Variants in RNF111 observed in about 807,000 individuals in gnomAD.
RNF111 encodes the protein ring finger protein 111.
In RNF111, 17 loss-of-function variants were observed where a neutral mutation model predicts 95.1. The observed-to-expected ratio is 0.18, with a 90% confidence interval of 0.12 to 0.27. RNF111 has a LOEUF of 0.27. Ranked by LOEUF, RNF111 falls within the 10% of genes least tolerant of loss-of-function variation. The pLI is 1.00. For missense variants in RNF111, 1,189 were observed against 1,210.4 expected, an observed-to-expected ratio of 0.98 and a Z score of 0.26; for synonymous variants, 440 against 414.8, an observed-to-expected ratio of 1.06 and a Z score of -0.74.
At chr15:59,009,055 G>A (rs752529147) in intron 1 of RNF111, among the ~76,000 whole-genome samples, 1 of 152,090 alleles carries the variant, frequency 6.6e-6, no homozygotes, top group Non-Finnish European at 1.5e-5. Flanking sequence ...CACCTCCTGG[G>A]TTCAAGCGAT....
chr15:59,082,032 C>G (rs1254342285), intron 8 of RNF111, among the ~76,000 whole-genome samples: 2 of 152,168 alleles, frequency 1.3e-5, no homozygotes, highest in African/African-American at 4.8e-5. Flanking sequence ...CTCCCATGAT[C>G]ATGCCACTGC....
At position 59,030,995 on chromosome 15, in the gene RNF111, G is replaced by C. The variant is rs1156691697; in HGVS notation, c.173G>C (p.Ser58Thr). 2.5e-6 allele frequency: 4 copies of C among 1,614,186 alleles called. No individual in the cohort carries two copies. Among genetic ancestry groups the C allele is most frequent in the Non-Finnish European group, 3.4e-6 (4 of 1,180,024 alleles). ...CCTGCAGGAGTTGAGATGATTAATA[G>C]TAAAGTGGGGAATGAATTCTCTCAC... ...SFPAGVEMINSKVGNEFSHLC... is the reference protein window; with the variant it reads ...SFPAGVEMINTKVGNEFSHLC... The change falls in exon 2 of 14, where the codon AGT (serine) becomes ACT (threonine). Residue 58 changes from serine (S) to threonine (T), a missense_variant. Transcript: ENST00000348370.
intron 3 of RNF111, 151 bp from the exon 4 acceptor site, chr15:59,055,531 C>G (rs1006694060): frequency 3.1e-6 from 1 of 324,670 alleles, no homozygotes; most frequent in East Asian, 5.9e-5. Flanking sequence ...ATTAGTTTAC[C>G]GAGTGCCAGT....
At chr15:59,074,597 C>A (rs1277698460) in intron 6 of RNF111, among the ~76,000 whole-genome samples, 2 of 152,218 alleles carry the variant, frequency 1.3e-5, no homozygotes, top group South Asian at 2.1e-4. Context: ...TAGGGCCTTG[C>A]TCTGGCTTAG....
chr15:59,052,209 A>G (rs2042018202), intron 2 of RNF111, 96 bp from the exon 3 acceptor site: 8 of 1,102,888 alleles, frequency 7.3e-6, no homozygotes, highest in East Asian at 2.7e-5. Flanking sequence ...TATTTTTGCA[A>G]TGAATTTCAT....
intron 3 of RNF111, among the ~76,000 whole-genome samples, 162 bp from the exon 4 acceptor site, chr15:59,055,520 A>ACTTAGTTGGTG (rs1420389322): frequency 6.1e-5 from 4 of 65,078 alleles, no homozygotes; most frequent in Admixed American, 1.7e-4. Flanking sequence ...TTCTTAGGTC[A>ACTTAGTTGGTG]ATTAGTTTAC....
At chr15:59,082,976 A>G (rs541847265) in intron 8 of RNF111, among the ~76,000 whole-genome samples, 222 of 152,294 alleles carry the variant, frequency 1.5e-3, no homozygotes, top group Non-Finnish European at 1.9e-3. Context: ...CTAATATAAA[A>G]TAATTAGACT....
chr15:59,080,563 A>G (rs1231934864), intron 7 of RNF111, among the ~76,000 whole-genome samples: 2 of 152,202 alleles, frequency 1.3e-5, no homozygotes, highest in Non-Finnish European at 2.9e-5. Flanking sequence ...TGATCTCTAT[A>G]TATGTGTGTA....
Position 59,056,964 on chromosome 15 carries a change from C to A in RNF111, c.1171+1119C>A, listed in dbSNP as rs572502807. Among the ~76,000 whole-genome samples, 15 of 152,178 alleles carry A rather than the reference C, an allele frequency of 9.9e-5. No homozygotes were observed. The South Asian group carries it at 2.7e-3, about 27-fold the overall frequency. On this transcript the variant is annotated intron_variant, in intron 4 of 13. Coordinates refer to ENST00000348370, the MANE Select transcript of RNF111 (RefSeq NM_017610.8). ...ACACTTTACTGGGTTAAAAGTATTC[C>A]AGTGATTAGTAGATGCTCCCTTTCC...
At chr15:59,089,833 C>T (rs1472037288) in intron 11 of RNF111, 74 bp downstream of exon 11, 10 of 1,022,262 alleles carry the variant, frequency 9.8e-6, no homozygotes, top group Middle Eastern at 2.2e-4. Flanking sequence ...TACTACTATA[C>T]ACAATTGTGT....
At position 59,075,900 on chromosome 15, in the gene RNF111, A is replaced by T. The variant is rs2043145348; in HGVS notation, c.1687-54A>T. 59 of 1,568,568 alleles carry T rather than the reference A, an allele frequency of 3.8e-5. 1 individual carries two copies. Among genetic ancestry groups the T allele is most frequent in the Non-Finnish European group, 5.1e-5 (59 of 1,148,298 alleles). The stretch of plus-strand genomic sequence containing the variant: ...ATTAGGAATACTTTTATAATATAAC[A>T]TGAAATATTTGACCAAACTTTAGAA... On this transcript the variant is annotated intron_variant, in intron 6 of 13. Transcript: ENST00000348370.
At chr15:59,041,313 T>A (rs1286548312) in intron 2 of RNF111, among the ~76,000 whole-genome samples, 1 of 152,184 alleles carries the variant, frequency 6.6e-6, no homozygotes. Context: ...CCCAGCACTT[T>A]GGGAGGCCGA....
At chr15:59,027,484 A>G (rs1270485490) in intron 1 of RNF111, among the ~76,000 whole-genome samples, 3 of 152,120 alleles carry the variant, frequency 2.0e-5, no homozygotes, top group African/African-American at 7.2e-5. Context: ...AATCAGTTGT[A>G]GAACATTTTC....
intron 7 of RNF111, among the ~76,000 whole-genome samples, chr15:59,077,209 T>G (rs2078590287): frequency 6.6e-6 from 1 of 152,262 alleles, no homozygotes; most frequent in African/African-American, 2.4e-5. Flanking sequence ...GGTATTCATT[T>G]TTGATTGATC....
chr15:59,080,999 C>T lies in RNF111; in HGVS notation c.2012C>T (p.Pro671Leu). ...ASACPHSHGN[P>L]PPQTQPPPQV... is the part of the protein sequence containing the mutation. ...GCCTGCCCGCATTCTCATGGAAACC[C>T]CCCTCCTCAGACTCAGCCTCCGCCT... Residue 671 changes from proline (P) to leucine (L), a missense_variant, in exon 8 of 14, where the codon CCC (proline) becomes CTC (leucine). This residue lies in a region of RNF111 where 1,024 missense variants were observed against 925.9 expected (regional missense o/e 1.11). Coordinates refer to ENST00000348370, the MANE Select transcript of RNF111 (RefSeq NM_017610.8). 6.2e-7 allele frequency: 1 copy of T among 1,614,028 alleles called. No homozygotes were observed. Among genetic ancestry groups the T allele is most frequent in the Non-Finnish European group, 8.5e-7 (1 of 1,179,992 alleles).
intron 1 of RNF111, among the ~76,000 whole-genome samples, chr15:59,021,393 C>T (rs1047443976): frequency 3.0e-4 from 46 of 152,076 alleles, no homozygotes; most frequent in South Asian, 2.1e-4. Flanking sequence ...TCAATTCATC[C>T]GCCTGTCTCG....
chr15:59,033,755 T>C (rs1434749250), intron 2 of RNF111, among the ~76,000 whole-genome samples: 1 of 152,240 alleles, frequency 6.6e-6, no homozygotes, highest in Non-Finnish European at 1.5e-5. Flanking sequence ...AAAAATCTTA[T>C]TTAATACTTA....
At chr15:58,994,990 G>A (rs2038992111) in intron 1 of RNF111, among the ~76,000 whole-genome samples, 1 of 152,132 alleles carries the variant, frequency 6.6e-6, no homozygotes, top group South Asian at 2.1e-4. Flanking sequence ...TCCCTTTACA[G>A]CATTTTCCTC....
At chr15:59,038,751 G>T (rs1281466312) in intron 2 of RNF111, among the ~76,000 whole-genome samples, 1 of 152,022 alleles carries the variant, frequency 6.6e-6, no homozygotes. Context: ...AGGTAGTTGG[G>T]TCTAAAAGCT....
Sources: gnomAD v4.1 joint callset for allele counts (sites outside exome capture counted in the v4.1 genomes callset) on GRCh38, gnomAD v4.1.1 for gene constraint, gnomAD v4.1.1 regional missense constraint, MANE v1.5 for transcripts, NCBI Gene and HGNC (gene_info 2026-07-23, HGNC 2026-07-21) for gene names.